Variants in SGCZ observed in about 807,000 individuals in gnomAD.
SGCZ encodes sarcoglycan zeta.
SGCZ carries 40 observed loss-of-function variants against 41.3 expected under a neutral mutation model. That is an observed-to-expected ratio of 0.97 (90% confidence interval 0.75 to 1.26). SGCZ has a LOEUF of 1.26. Ranked by LOEUF, SGCZ falls within the 50% of genes most tolerant of loss-of-function variation. The probability of loss-of-function intolerance (pLI) is 0.00; values close to 1 mark genes in which losing one functional copy is unlikely to be tolerated. For missense variants in SGCZ, 552 were observed against 369.8 expected (o/e 1.49, Z -4.04); for synonymous variants, 206 against 137.5 (o/e 1.50, Z -3.49).
At chr8:14,177,131 G>C (rs1223306865) in intron 4 of SGCZ, among the ~76,000 whole-genome samples, 1 of 152,250 alleles carries the variant, frequency 6.6e-6, no homozygotes, top group East Asian at 1.9e-4. Flanking sequence ...CATGCCTGTG[G>C]GGTGGAGTTG....
intron 1 of SGCZ, among the ~76,000 whole-genome samples, chr8:15,189,966 G>A (rs905914075): frequency 3.9e-5 from 6 of 152,028 alleles, no homozygotes; most frequent in African/African-American, 1.2e-4. Flanking sequence ...CCTCACCTTG[G>A]TATTTCAGAC....
At chr8:14,497,054 C>T (rs1362252851) in intron 2 of SGCZ, among the ~76,000 whole-genome samples, 3 of 152,154 alleles carry the variant, frequency 2.0e-5, no homozygotes, top group African/African-American at 7.2e-5. Context: ...ATCCAGCTAC[C>T]ATAGAATTCA....
At chr8:15,214,903 G>A (rs1452094864) in intron 1 of SGCZ, among the ~76,000 whole-genome samples, 1 of 152,140 alleles carries the variant, frequency 6.6e-6, no homozygotes, top group Non-Finnish European at 1.5e-5. Flanking sequence ...CACTTAGACA[G>A]AAAAGCGAAG....
intron 1 of SGCZ, among the ~76,000 whole-genome samples, chr8:15,203,858 C>A (rs1245751653): frequency 1.3e-5 from 2 of 152,106 alleles, no homozygotes; most frequent in African/African-American, 2.4e-5. Flanking sequence ...TTTAATTACA[C>A]AATTTACAAA....
chr8:14,388,055 G>A lies in SGCZ; in HGVS notation c.235-63851C>T, dbSNP rs554341651. Among the ~76,000 whole-genome samples the A allele has an allele frequency of 2.0e-5, 3 of 152,194 alleles. 1 individual carries two copies. The South Asian group carries it at 6.2e-4, about 32-fold the overall frequency. ...TGACTGTGCAGTATGGTCTTTAGTA[G>A]GAGTAAGATATTCAGGAAAAGGAAC... On this transcript the variant is annotated intron_variant, in intron 2 of 7. Transcript: ENST00000382080.
intron 1 of SGCZ, among the ~76,000 whole-genome samples, chr8:14,846,198 A>C (rs777109180): frequency 7.9e-5 from 12 of 152,192 alleles, no homozygotes; most frequent in Non-Finnish European, 1.3e-4. Flanking sequence ...ATTTATGTTT[A>C]TGGAATGCTG....
intron 5 of SGCZ, among the ~76,000 whole-genome samples, chr8:14,128,262 G>C (rs1423085941): frequency 6.6e-6 from 1 of 152,112 alleles, no homozygotes; most frequent in Admixed American, 6.5e-5. Flanking sequence ...CAAGCCATTT[G>C]AAAACCATTT....
At chr8:15,102,749 T>C (rs886750093) in intron 1 of SGCZ, among the ~76,000 whole-genome samples, 2 of 152,200 alleles carry the variant, frequency 1.3e-5, no homozygotes, top group African/African-American at 4.8e-5. Flanking sequence ...AATTTGTGTA[T>C]GGAGATTATT....
At chr8:14,533,734 A>G (rs916867359) in intron 2 of SGCZ, among the ~76,000 whole-genome samples, 1 of 152,044 alleles carries the variant, frequency 6.6e-6, no homozygotes, top group Admixed American at 6.6e-5. Flanking sequence ...ATGGCAGATG[A>G]TAAGTTTAAA....
At chr8:14,687,190 A>T (rs1029307726) in intron 1 of SGCZ, among the ~76,000 whole-genome samples, 47 of 147,028 alleles carry the variant, frequency 3.2e-4, no homozygotes, top group East Asian at 7.9e-4. Context: ...ATATATATAT[A>T]TTTTAATTTT....
chr8:14,593,627 G>A (rs1382796088), intron 1 of SGCZ, among the ~76,000 whole-genome samples: 8 of 150,936 alleles, frequency 5.3e-5, no homozygotes, highest in Admixed American at 5.3e-4. Flanking sequence ...ATATTAGGAA[G>A]CCTTGTATGT....
chr8:14,803,790 A>C (rs1194519427), intron 1 of SGCZ, among the ~76,000 whole-genome samples: 1 of 147,868 alleles, frequency 6.8e-6, no homozygotes, highest in African/African-American at 2.5e-5. Context: ...ACAGACAAAC[A>C]AAAAGACAGC....
intron 2 of SGCZ, among the ~76,000 whole-genome samples, chr8:14,379,960 C>T (rs545443805): frequency 1.6e-4 from 25 of 152,132 alleles, no homozygotes; most frequent in African/African-American, 6.0e-4. Flanking sequence ...CTTGAACTCC[C>T]GACCTCAGGT....
At chr8:14,275,049 G>C (rs1800182314) in intron 3 of SGCZ, among the ~76,000 whole-genome samples, 1 of 152,050 alleles carries the variant, frequency 6.6e-6, no homozygotes, top group South Asian at 2.1e-4. Flanking sequence ...AGACATCAGG[G>C]ATCAGTGAGT....
At chr8:14,507,829 T>C (rs1021193434) in intron 2 of SGCZ, among the ~76,000 whole-genome samples, 8 of 149,404 alleles carry the variant, frequency 5.4e-5, no homozygotes, top group Admixed American at 2.7e-4. Flanking sequence ...TGGAGTGCAA[T>C]GGCGCGATCT....
chr8:14,431,514 C>T (rs543908998), intron 2 of SGCZ, among the ~76,000 whole-genome samples: 54 of 152,234 alleles, frequency 3.5e-4, no homozygotes, highest in Middle Eastern at 6.8e-3. Flanking sequence ...TGGATCTTCA[C>T]CTCTCACCTT....
intron 4 of SGCZ, among the ~76,000 whole-genome samples, chr8:14,216,811 A>G (rs552350877): frequency 6.6e-6 from 1 of 152,326 alleles, no homozygotes; most frequent in South Asian, 2.1e-4. Flanking sequence ...TAACAAGAAA[A>G]GCATGTTATC....
intron 1 of SGCZ, among the ~76,000 whole-genome samples, chr8:15,225,406 T>G (rs139008510): frequency 1.3e-5 from 2 of 152,198 alleles, no homozygotes; most frequent in African/African-American, 4.8e-5. Flanking sequence ...CAAGTACTTA[T>G]GCAATATTAC....
intron 1 of SGCZ, among the ~76,000 whole-genome samples, chr8:14,717,080 T>C (rs2249655): frequency 0.82 from 124,754 of 151,982 alleles, 51,595 homozygotes; most frequent in African/African-American, 0.94. Flanking sequence ...ATGAATTTCA[T>C]GATTTATAAA....
Sources: gnomAD v4.1 joint callset for allele counts (sites outside exome capture counted in the v4.1 genomes callset) on GRCh38, gnomAD v4.1.1 for gene constraint, MANE v1.5 for transcripts, NCBI Gene and HGNC (gene_info 2026-07-23, HGNC 2026-07-21) for gene names.